Variants in FAF1 observed in about 807,000 individuals in gnomAD.
The protein encoded by FAF1 is Fas associated factor 1.
FAF1 carries 25 observed loss-of-function variants against 92.5 expected under a neutral mutation model. The ratio of observed to expected loss-of-function variants is 0.27; its 90% CI spans 0.20 to 0.38. The LOEUF is 0.38. Among genes scored for constraint, FAF1 ranks in the 10% least tolerant of loss-of-function variants. The pLI is 1.00. For synonymous variants in FAF1, 234 were observed against 273.2 expected, an observed-to-expected ratio of 0.86 and a Z score of 1.42; for missense variants, 636 against 793.3, an observed-to-expected ratio of 0.80 and a Z score of 2.38.
At chr1:50,756,844 C>T (rs184631301) in intron 4 of FAF1, among the ~76,000 whole-genome samples, 20 of 152,302 alleles carry the variant, frequency 1.3e-4, no homozygotes, top group Admixed American at 1.1e-3. Flanking sequence ...TTCACTATCA[C>T]GAGAACAGCA....
chr1:50,616,031 A>G (rs1652898988), intron 8 of FAF1, among the ~76,000 whole-genome samples: 1 of 152,116 alleles, frequency 6.6e-6, no homozygotes, highest in African/African-American at 2.4e-5. Context: ...TAATTTTTGT[A>G]TATTATAAAA....
At chr1:50,480,081 C>T (rs1253629115) in intron 17 of FAF1, among the ~76,000 whole-genome samples, 2 of 152,128 alleles carry the variant, frequency 1.3e-5, no homozygotes, top group African/African-American at 4.8e-5. Flanking sequence ...AGTTTATTTG[C>T]ATTATTTTTG....
Position 50,490,613 on chromosome 1 carries a change from C to T in FAF1, c.1628G>A (p.Arg543His), listed in dbSNP as rs147358189. ...MAEQFRLEQI[R>H]KEQEEEREAI... ...CTCACGTTCCTCTTCTTGTTCTTTG[C>T]GAATCTGCTCCAAACGAAACTGTTC... Residue 543 changes from arginine (R) to histidine (H), a missense_variant, in exon 17 of 19, where the codon CGC (arginine) becomes CAC (histidine). This residue lies in a region of FAF1 where 319 missense variants were observed against 451.0 expected (regional missense o/e 0.71). Transcript: ENST00000396153. 6.8e-6 allele frequency: 11 copies of T among 1,612,554 alleles called. No homozygotes were observed. The highest frequency in any genetic ancestry group is 3.3e-5 in the Admixed American group (2 of 59,980).
At chr1:50,527,776 T>C (rs1647890605) in intron 15 of FAF1, among the ~76,000 whole-genome samples, 1 of 151,576 alleles carries the variant, frequency 6.6e-6, no homozygotes, top group Non-Finnish European at 1.5e-5. Flanking sequence ...ACAGTGTCAT[T>C]TGATGAAGTA....
intron 18 of FAF1, among the ~76,000 whole-genome samples, chr1:50,458,095 C>T (rs1646378903): frequency 6.6e-6 from 1 of 151,930 alleles, no homozygotes; most frequent in Non-Finnish European, 1.5e-5. Flanking sequence ...TGCCTGTAAT[C>T]CCAGCTACTT....
chr1:50,483,822 T>C (rs1051482176), intron 17 of FAF1, among the ~76,000 whole-genome samples: 4 of 152,156 alleles, frequency 2.6e-5, no homozygotes, highest in Admixed American at 2.6e-4. Context: ...TCAAGGATAA[T>C]TCCAAGGTTT....
chr1:50,561,840 C>CGGAAGGAAGGAA (rs1353909490), intron 13 of FAF1, among the ~76,000 whole-genome samples: 5 of 125,034 alleles, frequency 4.0e-5, no homozygotes, highest in African/African-American at 1.2e-4. Context: ...GACGGATGGA[C>CGGAAGGAAGGAA]GGATGGACGG....
At chr1:50,769,393 A>G (rs955292537) in intron 4 of FAF1, among the ~76,000 whole-genome samples, 1 of 152,188 alleles carries the variant, frequency 6.6e-6, no homozygotes, top group East Asian at 1.9e-4. Context: ...TGTTCCTACT[A>G]AAACCATTCC....
rs879283028 is a variant in FAF1 at position 50,472,416 on chromosome 1, CACACACAA to C, written c.1869+3040_1869+3047del. ...ACACACACACACACACACACACACA[CACACACAA>C]ACCCCAAAACCAAGTAACTCAATGC... On this transcript the variant is annotated intron_variant, in intron 18 of 18. Transcript: ENST00000396153. 9.8e-3 allele frequency among the ~76,000 whole-genome samples: 1,391 copies of C among 141,340 alleles called. 8 individuals are homozygous for C. Among genetic ancestry groups the C allele is most frequent in the Non-Finnish European group, 0.014 (890 of 63,752 alleles). 92.7% of individuals were successfully genotyped at this position (141,340 alleles called of 152,430 possible).
At chr1:50,598,371 A>G (rs1651931520) in intron 8 of FAF1, among the ~76,000 whole-genome samples, 1 of 147,302 alleles carries the variant, frequency 6.8e-6, no homozygotes, top group Non-Finnish European at 1.5e-5. Context: ...CTGAGATGGG[A>G]GGATTGCTTG....
intron 13 of FAF1, among the ~76,000 whole-genome samples, chr1:50,548,595 CTG>C (rs1461555049): frequency 1.3e-5 from 2 of 152,204 alleles, no homozygotes; most frequent in African/African-American, 2.4e-5. Flanking sequence ...GCCCTTTTCA[CTG>C]TGTTTCCACC....
At chr1:50,513,028 A>G (rs886459504) in intron 15 of FAF1, among the ~76,000 whole-genome samples, 5 of 152,190 alleles carry the variant, frequency 3.3e-5, no homozygotes, top group African/African-American at 1.2e-4. Context: ...GAGGGCCCAG[A>G]GCAAGCCTCT....
At chr1:50,900,786 A>T (rs954562334) in intron 1 of FAF1, among the ~76,000 whole-genome samples, 12 of 152,218 alleles carry the variant, frequency 7.9e-5, no homozygotes, top group African/African-American at 1.9e-4. Flanking sequence ...GTATAGCCTC[A>T]AATGAGTATT....
intron 1 of FAF1, among the ~76,000 whole-genome samples, chr1:50,888,684 C>T (rs931038380): frequency 4.6e-5 from 7 of 152,124 alleles, no homozygotes; most frequent in Non-Finnish European, 7.3e-5. Flanking sequence ...TTGCGTATGT[C>T]GAACGAGCCT....
intron 1 of FAF1, among the ~76,000 whole-genome samples, chr1:50,889,660 T>C (rs2124698784): frequency 6.6e-6 from 1 of 152,354 alleles, no homozygotes; most frequent in South Asian, 2.1e-4. Context: ...TCAGTTTCCA[T>C]GTAGTTGAGC....
At chr1:50,958,999 T>C (rs1645293987) in intron 1 of FAF1, among the ~76,000 whole-genome samples, 1 of 152,224 alleles carries the variant, frequency 6.6e-6, no homozygotes, top group Non-Finnish European at 1.5e-5. Flanking sequence ...TCAAAGGGCC[T>C]TCCTAAGATA....
intron 1 of FAF1, among the ~76,000 whole-genome samples, chr1:50,916,513 G>C (rs1484608041): frequency 6.6e-6 from 1 of 152,176 alleles, no homozygotes; most frequent in Admixed American, 6.5e-5. Flanking sequence ...TGCTTTCTCA[G>C]AGTTCTAGAG....
intron 8 of FAF1, among the ~76,000 whole-genome samples, chr1:50,631,933 T>C (rs1653808188): frequency 1.3e-5 from 2 of 152,250 alleles, no homozygotes; most frequent in Admixed American, 1.3e-4. Context: ...CCTGTTTTAC[T>C]ATTATTGTTG....
chr1:50,673,107 A>C (rs1655968727), intron 7 of FAF1, among the ~76,000 whole-genome samples: 2 of 151,998 alleles, frequency 1.3e-5, no homozygotes, highest in African/African-American at 4.8e-5. Flanking sequence ...AAAATACAAA[A>C]ATTAGCCAGG....
Sources: gnomAD v4.1 joint callset for allele counts (sites outside exome capture counted in the v4.1 genomes callset) on GRCh38, gnomAD v4.1.1 for gene constraint, gnomAD v4.1.1 regional missense constraint, MANE v1.5 for transcripts, NCBI Gene and HGNC (gene_info 2026-07-23, HGNC 2026-07-21) for gene names.